The following FMN1 variants were observed in gnomAD, a reference collection of about 807,000 sequenced individuals.
FMN1 encodes the protein formin-1.
A neutral mutation model predicts 132.4 loss-of-function variants in FMN1; 110 were observed. The ratio of observed to expected loss-of-function variants is 0.83; its 90% CI spans 0.71 to 0.97. The LOEUF (loss-of-function observed/expected upper bound fraction) is 0.97, where lower values mean the gene tolerates loss of function less well. FMN1 is among the 50% of genes least tolerant of loss of function. The pLI is 0.00. For missense variants in FMN1, 1,792 were observed against 1,705.3 expected (o/e 1.05, Z -0.90); for synonymous variants, 722 against 651.7 (o/e 1.11, Z -1.64).
chr15:33,164,631 A>T (rs912221387), intron 3 of FMN1, among the ~76,000 whole-genome samples: 23 of 152,216 alleles, frequency 1.5e-4, no homozygotes, highest in African/African-American at 5.1e-4. Context: ...TAATTACATA[A>T]AGAAAAATGA....
In FMN1 at chr15:33,062,270, T is replaced by C. The variant is rs563086464; in HGVS notation, c.2161+2687A>G. Among the ~76,000 whole-genome samples the C allele has an allele frequency of 1.1e-4, 17 of 152,332 alleles. No individual in the cohort carries two copies. In the East Asian group the frequency reaches 2.3e-3, roughly 21 times the overall value. ...TAGACAAAGACTTACAGTAGTTATT[T>C]ATAATACATCATGTATAACTCAAAT... is the stretch of plus-strand genomic sequence containing the variant. On this transcript the variant is annotated intron_variant, in intron 6 of 20. Coordinates refer to ENST00000616417, the MANE Select transcript of FMN1 (RefSeq NM_001277313.2).
At chr15:33,038,946 A>T (rs2036304052) in intron 6 of FMN1, among the ~76,000 whole-genome samples, 1 of 152,152 alleles carries the variant, frequency 6.6e-6, no homozygotes, top group African/African-American at 2.4e-5. Context: ...CCTCCTATAT[A>T]CAAAATGTGT....
chr15:33,105,641 T>G (rs1031470234), intron 4 of FMN1: 1 of 152,194 alleles, frequency 6.6e-6, no homozygotes, highest in Non-Finnish European at 1.5e-5. Context: ...AACTGTATTT[T>G]CTTATGTACT....
Position 33,088,935 on chromosome 15 carries a change from T to C in FMN1, c.1907A>G (p.Glu636Gly). Residue 636 changes from glutamate to glycine, a missense_variant, in exon 5 of 21, where the codon GAG becomes GGG. Glu to Gly is a moderately conservative substitution (Grantham distance 98, BLOSUM62 -2). Around this residue, in one of 3 missense-constraint regions of FMN1, gnomAD observed 1,150 missense variants for 1,043.1 expected, o/e 1.10. Coordinates refer to ENST00000616417, the MANE Select transcript of FMN1 (RefSeq NM_001277313.2). The part of the protein sequence containing the change: ...SEGFPWDGFN[E>G]QTPKDLPNRD... The stretch of plus-strand genomic sequence containing the variant: ...GTTGGGAAGGTCTTTAGGTGTCTGC[T>C]CATTGAAGCCGTCCCAGGGAAAGCC... The C allele has an allele frequency of 1.3e-6, 2 of 1,535,924 alleles. No individual in the cohort carries two copies. Among genetic ancestry groups the C allele is most frequent in the Non-Finnish European group, 1.7e-6 (2 of 1,146,826 alleles).
In FMN1 at chr15:33,057,946, G is replaced by A. The variant is rs547217638; in HGVS notation, c.2161+7011C>T. 2.1e-4 allele frequency among the ~76,000 whole-genome samples: 26 copies of A among 125,040 alleles called. 1 individual carries two copies. Among genetic ancestry groups the A allele is most frequent in the Middle Eastern group, 4.5e-3 (1 of 224 alleles). 82.0% of individuals were successfully genotyped at this position (125,040 alleles called of 152,430 possible). On this transcript the variant is annotated intron_variant, in intron 6 of 20. Transcript: ENST00000616417. ...TGATGGCTATAAGCACATGAAAGCA[G>A]ACTGAGCGGAAGGAACTAAACTGCA...
chr15:33,041,170 T>C (rs2036416339), intron 6 of FMN1, among the ~76,000 whole-genome samples: 1 of 151,814 alleles, frequency 6.6e-6, no homozygotes, highest in African/African-American at 2.4e-5. Flanking sequence ...AGTCACATGG[T>C]CATTTCAAAT....
intron 4 of FMN1, among the ~76,000 whole-genome samples, chr15:33,128,500 A>G (rs569968716): frequency 6.4e-4 from 98 of 152,186 alleles, no homozygotes; most frequent in Admixed American, 1.4e-3. Flanking sequence ...AAGTTCTCAG[A>G]GTCATTACAC....
In FMN1 at chr15:32,979,221, G is replaced by A. The variant is rs117890088; in HGVS notation, c.2224-9744C>T. Among the ~76,000 whole-genome samples the A allele has an allele frequency of 4.8e-4, 73 of 152,196 alleles. No individual in the cohort carries two copies. The East Asian group carries it at 0.014, about 29-fold the overall frequency. On this transcript the variant is annotated intron_variant, in intron 7 of 20. Transcript: ENST00000616417. ...TCCCTACCAGCCAATACTCAAACAA[G>A]CTTTGATGAGCATCTGCAAAGTACC...
intron 4 of FMN1, among the ~76,000 whole-genome samples, chr15:33,147,843 TAAAATTCTCTTTATGCTTTACACA>T (rs1408620818): frequency 1.2e-4 from 18 of 152,238 alleles, no homozygotes; most frequent in African/African-American, 4.1e-4. Context: ...AGGCACTCTT[TAAAATTCTCTTTATGCTTTACACA>T]AAAAGCAAGC....
At chr15:32,829,409 A>T (rs1218424419) in intron 17 of FMN1, among the ~76,000 whole-genome samples, 1 of 152,222 alleles carries the variant, frequency 6.6e-6, no homozygotes, top group East Asian at 1.9e-4. Flanking sequence ...GCTGGTGAAT[A>T]ACACAGGCCC....
chr15:33,075,812 G>C (rs1391145171), intron 5 of FMN1, among the ~76,000 whole-genome samples: 1 of 152,170 alleles, frequency 6.6e-6, no homozygotes, highest in Non-Finnish European at 1.5e-5. Context: ...GAGCAAGCCT[G>C]GGTCCTCCAT....
chr15:33,057,457 T>C (rs1311590185), intron 6 of FMN1, among the ~76,000 whole-genome samples: 1 of 152,228 alleles, frequency 6.6e-6, no homozygotes, highest in Non-Finnish European at 1.5e-5. Flanking sequence ...ACTTCATATA[T>C]ATTGTCTTAT....
chr15:33,076,721 C>A (rs1191375246), intron 5 of FMN1, among the ~76,000 whole-genome samples: 1 of 152,130 alleles, frequency 6.6e-6, no homozygotes, highest in East Asian at 1.9e-4. Context: ...TGCACTGGAT[C>A]CATCTGATTC....
At chr15:33,044,785 C>G (rs1053047164) in intron 6 of FMN1, among the ~76,000 whole-genome samples, 1 of 152,230 alleles carries the variant, frequency 6.6e-6, no homozygotes, top group African/African-American at 2.4e-5. Flanking sequence ...GGATGACCAG[C>G]TGTACAGAGG....
chr15:33,051,154 A>T (rs921570549), intron 6 of FMN1, among the ~76,000 whole-genome samples: 3 of 152,188 alleles, frequency 2.0e-5, no homozygotes, highest in African/African-American at 4.8e-5. Flanking sequence ...CTCTATATAT[A>T]TACCATTCTC....
chr15:32,795,696 G>A (rs1478656779), intron 19 of FMN1, among the ~76,000 whole-genome samples: 9 of 152,094 alleles, frequency 5.9e-5, no homozygotes, highest in Admixed American at 5.2e-4. Context: ...AGGGATAAGA[G>A]AAGGGACTGG....
intron 5 of FMN1, among the ~76,000 whole-genome samples, chr15:33,073,942 G>A (rs2038097598): frequency 1.3e-5 from 2 of 152,148 alleles, no homozygotes; most frequent in Admixed American, 1.3e-4. Context: ...TGTTACCCAG[G>A]CTGGTCTCAA....
intron 6 of FMN1, among the ~76,000 whole-genome samples, chr15:33,038,206 C>T (rs957175967): frequency 1.3e-5 from 2 of 152,028 alleles, no homozygotes; most frequent in African/African-American, 4.8e-5. Context: ...CCAGCCTGGG[C>T]GACAGAGTGA....
At chr15:32,955,701 T>TATGAGA in intron 9 of FMN1, among the ~76,000 whole-genome samples, 1 of 152,222 alleles carries the variant, frequency 6.6e-6, no homozygotes, top group Non-Finnish European at 1.5e-5. Context: ...TAGCATATCC[T>TATGAGA]GTACTTTTTT....
Sources: allele counts gnomAD v4.1 joint callset (sites outside exome capture counted in the v4.1 genomes callset), GRCh38; gene constraint gnomAD v4.1.1; regional missense constraint gnomAD v4.1.1; transcripts MANE v1.5; gene names NCBI Gene and HGNC (gene_info 2026-07-23, HGNC 2026-07-21).